The following WNT3A variants were observed in gnomAD, a reference collection of about 807,000 sequenced individuals.
WNT3A encodes the protein protein Wnt-3a.
Under a neutral mutation model 37.0 loss-of-function variants are expected in WNT3A, and 17 were observed. That is an observed-to-expected ratio of 0.46 (90% CI 0.31 to 0.69). WNT3A has a LOEUF of 0.69. WNT3A is among the 30% of genes least tolerant of loss of function. The pLI, the probability that WNT3A is intolerant of heterozygous loss-of-function variation, is 0.05. For missense variants in WNT3A, 411 were observed against 510.2 expected (o/e 0.81, Z 1.87); for synonymous variants, 187 against 211.0 (o/e 0.89, Z 0.99).
rs2030273624 is a variant in WNT3A at position 228,008,563 on chromosome 1, C to A, written c.71+1364C>A. Among the ~76,000 whole-genome samples, 1 of 152,132 alleles carries A rather than the reference C, an allele frequency of 6.6e-6. No individual in the cohort carries two copies. On this transcript the variant is annotated intron_variant, in intron 1 of 3. Coordinates refer to ENST00000284523, the MANE Select transcript of WNT3A (RefSeq NM_033131.4). This position sits in a 1 kb window ranked among gnomAD's most constrained non-coding sequence, Gnocchi z 4.9. ...CGCGTGCCCCATTTCCCGTGCGGCACCTGCTGCGCCCAGTGGCCCACCTGA... is the reference window on the plus strand; with the variant it reads ...CGCGTGCCCCATTTCCCGTGCGGCAACTGCTGCGCCCAGTGGCCCACCTGA...
intron 3 of WNT3A, among the ~76,000 whole-genome samples, chr1:228,055,646 C>G (rs1436254539): frequency 1.3e-5 from 2 of 152,104 alleles, no homozygotes; most frequent in Non-Finnish European, 2.9e-5. Flanking sequence ...CTCAAGCAGA[C>G]TCAAGAAAAC....
chr1:228,008,780 A>G lies in WNT3A; in HGVS notation c.71+1581A>G, dbSNP rs936214114. 3.9e-5 allele frequency among the ~76,000 whole-genome samples: 6 copies of G among 152,118 alleles called. No individual in the cohort carries two copies. The highest frequency in any genetic ancestry group is 1.4e-4 in the African/African-American group (6 of 41,442). ...AGCTCCTTCGCCCCGCGCCCTTCCC[A>G]TAAATGTCGCCAGCCTCCTGGCAAC... On this transcript the variant is annotated intron_variant, in intron 1 of 3. Coordinates refer to ENST00000284523, the MANE Select transcript of WNT3A (RefSeq NM_033131.4). This position sits in a 1 kb window ranked among gnomAD's most constrained non-coding sequence, Gnocchi z 4.9.
At chr1:228,034,366 T>C (rs571327921) in intron 2 of WNT3A, among the ~76,000 whole-genome samples, 5 of 152,340 alleles carry the variant, frequency 3.3e-5, no homozygotes, top group African/African-American at 1.2e-4. Flanking sequence ...AGTTCTAATG[T>C]ATTTTTTAAT....
chr1:228,041,123 C>T (rs1367692065), intron 2 of WNT3A, among the ~76,000 whole-genome samples: 1 of 151,756 alleles, frequency 6.6e-6, no homozygotes, highest in Non-Finnish European at 1.5e-5. Flanking sequence ...CTGTTAGTCC[C>T]CAGATGCTCT....
rs919571562 is a variant in WNT3A at position 228,040,973 on chromosome 1, A to T, written c.314-9683A>T. Among the ~76,000 whole-genome samples, 10 of 96,720 alleles carry T rather than the reference A, an allele frequency of 1.0e-4. No individual in the cohort carries two copies. In the South Asian group the frequency reaches 1.0e-3, roughly 10 times the overall value. 63.5% of individuals were successfully genotyped at this position (96,720 alleles called of 152,430 possible). On this transcript the variant is annotated intron_variant, in intron 2 of 3. Transcript: ENST00000284523. The stretch of plus-strand genomic sequence containing the variant: ...CTGAAGTTATGATGGTAGATATTTT[A>T]TATATATATATATATATATATAATA...
chr1:228,054,528 C>T (rs144846780), intron 3 of WNT3A, among the ~76,000 whole-genome samples: 2,294 of 149,394 alleles, frequency 0.015, 48 homozygotes, highest in African/African-American at 0.05. Context: ...CTTGGGAGGC[C>T]GAGGCAGGAG....
intron 1 of WNT3A, among the ~76,000 whole-genome samples, chr1:228,012,616 T>G (rs1274805909): frequency 6.6e-6 from 1 of 152,054 alleles, no homozygotes; most frequent in Non-Finnish European, 1.5e-5. Context: ...CTTGCCCCCT[T>G]TAAGAGTAGT....
intron 1 of WNT3A, among the ~76,000 whole-genome samples, chr1:228,014,666 A>G (rs760394910): frequency 1.3e-5 from 2 of 152,334 alleles, no homozygotes; most frequent in Admixed American, 6.5e-5. Context: ...GCCACGTAAG[A>G]TGGGAAATTG....
chr1:228,009,123 C>G (rs1186789939), intron 1 of WNT3A, among the ~76,000 whole-genome samples: 6 of 152,178 alleles, frequency 3.9e-5, no homozygotes, highest in Admixed American at 6.5e-5. Context: ...TCCCCACCAC[C>G]ACTTTGTTCT....
chr1:228,007,137 A>G lies in WNT3A; in HGVS notation c.9A>G (p.Pro3=), dbSNP rs779111053. The change falls in exon 1 of 4, where the codon CCA becomes CCG. Residue 3 remains proline, a synonymous_variant. Transcript: ENST00000284523. This position sits in a 1 kb window ranked among gnomAD's most constrained non-coding sequence, Gnocchi z 6.0. MA[P]LGYFLLLCSL... is the part of the protein sequence containing the mutation. ...CGCCCTCTCGCGCGGCGATGGCCCC[A>G]CTCGGATACTTCTTACTCCTCTGCA... The G allele has an allele frequency of 6.3e-7, 1 of 1,579,496 alleles. No homozygotes were observed. The highest frequency in any genetic ancestry group is 1.7e-5 in the Admixed American group (1 of 57,848).
chr1:228,023,290 A>AAGACAGAGAG (rs905735936), intron 2 of WNT3A, among the ~76,000 whole-genome samples: 88 of 151,286 alleles, frequency 5.8e-4, no homozygotes, highest in African/African-American at 2.1e-3. Flanking sequence ...GACAGAGAGA[A>AAGACAGAGAG]AGACAGAGAG....
At chr1:228,020,408 T>C (rs1348895531) in intron 1 of WNT3A, among the ~76,000 whole-genome samples, 1 of 152,202 alleles carries the variant, frequency 6.6e-6, no homozygotes. Context: ...CACCTTCTCC[T>C]GTCCAGAGGC....
intron 2 of WNT3A, among the ~76,000 whole-genome samples, chr1:228,029,630 T>C (rs1157411501): frequency 6.6e-6 from 1 of 152,208 alleles, no homozygotes; most frequent in Non-Finnish European, 1.5e-5. Context: ...TCCCTCATTT[T>C]ATAACGGACA....
chr1:228,054,499 G>T (rs1295176708), intron 3 of WNT3A, among the ~76,000 whole-genome samples: 3 of 151,686 alleles, frequency 2.0e-5, no homozygotes, highest in African/African-American at 7.3e-5. Flanking sequence ...GTGGTGGCAG[G>T]TGCCTGTAGT....
chr1:228,018,581 G>A (rs546941154), intron 1 of WNT3A, among the ~76,000 whole-genome samples: 1 of 152,164 alleles, frequency 6.6e-6, no homozygotes, highest in African/African-American at 2.4e-5. Context: ...TTGTAGAGAT[G>A]GGGTCTTGCT....
chr1:228,007,714 C>A lies in WNT3A; in HGVS notation c.71+515C>A, dbSNP rs898094402. 1.3e-5 allele frequency among the ~76,000 whole-genome samples: 2 copies of A among 152,062 alleles called. No homozygotes were observed. The highest frequency in any genetic ancestry group is 2.9e-5 in the Non-Finnish European group (2 of 67,988). ...TTACGTAAAGAAAGCTGGGACCCGG[C>A]GGGGAGTGGCGCAGAGCCGGCGGCG... On this transcript the variant is annotated intron_variant, in intron 1 of 3. Transcript: ENST00000284523. This position sits in a 1 kb window ranked among gnomAD's most constrained non-coding sequence, Gnocchi z 6.0.
intron 2 of WNT3A, among the ~76,000 whole-genome samples, chr1:228,029,339 T>A (rs185822290): frequency 1.3e-5 from 2 of 152,260 alleles, no homozygotes; most frequent in East Asian, 3.9e-4. Context: ...GAGACCCACA[T>A]GTAGGGCGGA....
chr1:228,059,950 G>T lies in WNT3A; in HGVS notation c.*485G>T. Reference sequence around the variant, plus strand: ...ACGGCTCTGGGGTAGGCTGCTCCCTGAGGGCGGAGCGCCTCCTTAGGAGTG... The same window carrying T: ...ACGGCTCTGGGGTAGGCTGCTCCCTTAGGGCGGAGCGCCTCCTTAGGAGTG... On this transcript the variant is annotated 3_prime_UTR_variant, in exon 4 of 4. Coordinates refer to ENST00000284523, the MANE Select transcript of WNT3A (RefSeq NM_033131.4). 1.8e-6 allele frequency: 2 copies of T among 1,103,098 alleles called. No individual in the cohort carries two copies. The highest frequency in any genetic ancestry group is 1.1e-6 in the Non-Finnish European group (1 of 895,980). 68.3% of individuals were successfully genotyped at this position (1,103,098 alleles called of 1,614,324 possible).
intron 3 of WNT3A, 62 bp from the exon 4 acceptor site, chr1:228,058,924 G>GT: frequency 4.7e-6 from 7 of 1,487,372 alleles, no homozygotes; most frequent in Non-Finnish European, 6.3e-6. Context: ...ATGTAATGCT[G>GT]TTTCCTCGGG....
Sources: gnomAD v4.1 joint callset for allele counts (sites outside exome capture counted in the v4.1 genomes callset) on GRCh38, gnomAD v4.1.1 for gene constraint, Gnocchi (gnomAD v3.1) non-coding constraint, MANE v1.5 for transcripts, NCBI Gene and HGNC (gene_info 2026-07-23, HGNC 2026-07-21) for gene names.